NUP93: variants seen among roughly 807,000 people sequenced by gnomAD.
The protein encoded by NUP93 is nucleoporin 93, also known as nuclear pore complex protein Nup93.
Under a neutral mutation model 107.8 loss-of-function variants are expected in NUP93, and 55 were observed. That is an observed-to-expected ratio of 0.51 (90% CI 0.41 to 0.64). The LOEUF is 0.64. Ranked by LOEUF, NUP93 falls within the 30% of genes least tolerant of loss-of-function variation. NUP93 has a pLI of 0.00. For synonymous variants in NUP93, 390 were observed against 397.5 expected (o/e 0.98, Z 0.22); for missense variants, 937 against 1,044.7 (o/e 0.90, Z 1.42).
chr16:56,841,907 A>G lies in NUP93; in HGVS notation c.2349+74A>G. The G allele has an allele frequency of 1.9e-6, 3 of 1,568,404 alleles. 1 individual carries two copies. Among genetic ancestry groups the G allele is most frequent in the Non-Finnish European group, 1.7e-6 (2 of 1,156,744 alleles). ...GTTTGGAATCCGTTGCGCTCTTATG[A>G]GACCACATGACCCAAAACTGCTCTT... On this transcript the variant is annotated intron_variant, in intron 21 of 21. Coordinates refer to ENST00000308159, the MANE Select transcript of NUP93 (RefSeq NM_014669.5).
intron 10 of NUP93, among the ~76,000 whole-genome samples, chr16:56,830,917 T>C (rs1596852899): frequency 6.6e-6 from 1 of 152,166 alleles, no homozygotes; most frequent in Non-Finnish European, 1.5e-5. Flanking sequence ...GTTTGGGAAT[T>C]TTTCTGTTCC....
chr16:56,746,834 T>C (rs1205159875), intron 1 of NUP93, among the ~76,000 whole-genome samples: 11 of 152,178 alleles, frequency 7.2e-5, no homozygotes, highest in African/African-American at 2.7e-4. Flanking sequence ...TGCTTGAATC[T>C]GAGGCGGAAG....
intron 19 of NUP93, 127 bp downstream of exon 19, chr16:56,839,196 G>A (rs1334626376): frequency 3.5e-5 from 11 of 317,138 alleles, no homozygotes; most frequent in Non-Finnish European, 6.6e-5. Context: ...AGAAAGACAA[G>A]TACAATCCTG....
At chr16:56,748,522 T>TGACA in intron 2 of NUP93, 96 bp downstream of exon 2, 4 of 1,041,294 alleles carry the variant, frequency 3.8e-6, no homozygotes, top group Non-Finnish European at 5.5e-6. Flanking sequence ...AATCTGTGAA[T>TGACA]GACAGCCACT....
intron 3 of NUP93, among the ~76,000 whole-genome samples, chr16:56,785,418 G>C (rs1962604882): frequency 6.6e-6 from 1 of 152,086 alleles, no homozygotes; most frequent in Admixed American, 6.5e-5. Flanking sequence ...CTCCTTTCTG[G>C]TACTTGTAGG....
intron 5 of NUP93, among the ~76,000 whole-genome samples, chr16:56,808,171 C>A (rs1379478000): frequency 1.2e-5 from 1 of 86,404 alleles, no homozygotes; most frequent in East Asian, 3.1e-4. Context: ...AGTTATATAA[C>A]TATATAAAAT....
intron 3 of NUP93, among the ~76,000 whole-genome samples, chr16:56,794,348 G>C (rs1215415110): frequency 6.6e-6 from 1 of 151,532 alleles, no homozygotes; most frequent in Non-Finnish European, 1.5e-5. Flanking sequence ...GGTGAGGTTT[G>C]ACACACACAC....
Position 56,831,827 on chromosome 16 carries a change from C to A in NUP93, c.1086-15C>A. 6.2e-7 allele frequency: 1 copy of A among 1,612,696 alleles called. No homozygotes were observed. The highest frequency in any genetic ancestry group is 1.1e-5 in the South Asian group (1 of 90,844). On this transcript the variant is annotated splice_polypyrimidine_tract_variant and intron_variant, in intron 10 of 21. Coordinates refer to ENST00000308159, the MANE Select transcript of NUP93 (RefSeq NM_014669.5). ...TTGAGTATGTATCTATCTGTCTGTTCCCTTATGTCTGTAGATTGTCCCCAG... is the reference window on the plus strand; with the variant it reads ...TTGAGTATGTATCTATCTGTCTGTTACCTTATGTCTGTAGATTGTCCCCAG...
chr16:56,833,432 G>A (rs374759084), intron 13 of NUP93, 26 bp downstream of exon 13: 12 of 1,491,810 alleles, frequency 8.0e-6, no homozygotes, highest in Non-Finnish European at 9.8e-6. Flanking sequence ...TGGATTGACA[G>A]TAATGTAACC....
chr16:56,753,890 T>C (rs1961968816), intron 2 of NUP93, among the ~76,000 whole-genome samples: 1 of 151,984 alleles, frequency 6.6e-6, no homozygotes, highest in South Asian at 2.1e-4. Flanking sequence ...GAAAAATAGG[T>C]AGGGATGTAG....
intron 8 of NUP93, among the ~76,000 whole-genome samples, chr16:56,827,035 A>G (rs185732763): frequency 7.1e-5 from 8 of 112,302 alleles, no homozygotes; most frequent in Admixed American, 3.0e-4. Flanking sequence ...ATGGAATGAG[A>G]CTCCGTCTCA....
At chr16:56,841,335 A>C (rs1485486396) in intron 20 of NUP93, among the ~76,000 whole-genome samples, 2 of 150,390 alleles carry the variant, frequency 1.3e-5, no homozygotes, top group African/African-American at 4.9e-5. Context: ...GTGGAGAAGT[A>C]GCGTGTGCAC....
chr16:56,809,926 C>G (rs1361541296), intron 5 of NUP93, among the ~76,000 whole-genome samples: 2 of 152,158 alleles, frequency 1.3e-5, no homozygotes, highest in Non-Finnish European at 2.9e-5. Flanking sequence ...GTTTCTTTCT[C>G]AATTCTTTGT....
intron 13 of NUP93, among the ~76,000 whole-genome samples, chr16:56,833,871 G>A (rs962235584): frequency 2.0e-5 from 3 of 152,164 alleles, no homozygotes; most frequent in African/African-American, 7.2e-5. Flanking sequence ...TGCCATAATC[G>A]TCAGTTGGAT....
chr16:56,808,765 CAT>C (rs370431408), intron 5 of NUP93, among the ~76,000 whole-genome samples: 257 of 137,626 alleles, frequency 1.9e-3, no homozygotes, highest in Middle Eastern at 4.6e-3. Flanking sequence ...TATAAAAATA[CAT>C]ATATATAAAT....
rs149511331 is a variant in NUP93 at position 56,792,191 on chromosome 16, AAAAC to A, written c.298-6277_298-6274del. 6.6e-3 allele frequency among the ~76,000 whole-genome samples: 1,010 copies of A among 152,278 alleles called. 10 individuals carry two copies. Among genetic ancestry groups the A allele is most frequent in the African/African-American group, 0.023 (946 of 41,550 alleles). On this transcript the variant is annotated intron_variant, in intron 3 of 21. Coordinates refer to ENST00000308159, the MANE Select transcript of NUP93 (RefSeq NM_014669.5). ...TGAGACCCCATCTCTTAAAAAACAA[AAAAC>A]AAACAAAAAAACAAAAAACTGGTTG...
intron 8 of NUP93, among the ~76,000 whole-genome samples, chr16:56,828,713 C>G (rs1252337356): frequency 1.3e-5 from 2 of 152,164 alleles, no homozygotes; most frequent in African/African-American, 2.4e-5. Context: ...GTATATCCAC[C>G]CTTAATGTAT....
In NUP93 at chr16:56,823,766, A is replaced by G. The variant is rs762345481; in HGVS notation, c.714A>G (p.Ala238=). 17 of 1,614,112 alleles carry G rather than the reference A, an allele frequency of 1.1e-5. No individual in the cohort carries two copies. Among genetic ancestry groups the G allele is most frequent in the East Asian group, 4.5e-5 (2 of 44,902 alleles). The change falls in exon 8 of 22, where the codon GCA becomes GCG. Residue 238 remains alanine (A), a synonymous_variant. Coordinates refer to ENST00000308159, the MANE Select transcript of NUP93 (RefSeq NM_014669.5). The part of the protein sequence containing the change: ...KQMTDVLLTP[A]TDALKNRSSV... ...TGACAGACGTGTTGTTGACACCGGC[A>G]ACGGATGCCCTGAAGAACCGCAGCA...
At position 56,741,479 on chromosome 16, in the gene NUP93, G is replaced by A. The variant is rs539538227; in HGVS notation, c.-14-6755G>A. ...AATGAACAGTCTGGATTGGAACCAGGTGTTTGGGTTCACAGTGTAATCTTC... is the reference window on the plus strand; with the variant it reads ...AATGAACAGTCTGGATTGGAACCAGATGTTTGGGTTCACAGTGTAATCTTC... On this transcript the variant is annotated intron_variant, in intron 1 of 21. Coordinates refer to ENST00000308159, the MANE Select transcript of NUP93 (RefSeq NM_014669.5). Among the ~76,000 whole-genome samples, 4 of 152,252 alleles carry A rather than the reference G, an allele frequency of 2.6e-5. No individual in the cohort carries two copies. In the South Asian group the frequency reaches 8.3e-4, roughly 32 times the overall value.
Sources: allele counts gnomAD v4.1 joint callset (sites outside exome capture counted in the v4.1 genomes callset), GRCh38; gene constraint gnomAD v4.1.1; transcripts MANE v1.5; gene names NCBI Gene and HGNC (gene_info 2026-07-23, HGNC 2026-07-21).